Variants in H3-7 observed in about 807,000 individuals in gnomAD.
H3-7 encodes the protein H3.7 histone (putative), also known as histone H3-7.
chr1:143,904,528 C>T, the H3-7 span: 1 of 1,603,864 alleles, frequency 6.2e-7, no homozygotes, highest in Non-Finnish European at 8.5e-7. Context: ...TTCTCGCCGT[C>T]CTTCTTCTGC....
chr1:143,905,865 G>C, the H3-7 span: 1 of 1,580,636 alleles, frequency 6.3e-7, no homozygotes, highest in Middle Eastern at 1.7e-4. Flanking sequence ...TCTTCACCCC[G>C]CCCGTGGCCG....
the H3-7 span, chr1:143,904,566 T>C: frequency 1.2e-6 from 2 of 1,604,824 alleles, no homozygotes; most frequent in East Asian, 2.3e-5. Flanking sequence ...TTTGGAGCCC[T>C]TCTTGGGAGC....
At chr1:143,904,661 G>A in the H3-7 span, 2 of 1,543,846 alleles carry the variant, frequency 1.3e-6, no homozygotes, top group Admixed American at 1.7e-5. Flanking sequence ...ACCGCAAAAC[G>A]GGCTGGTTAT....
chr1:143,904,455 T>C, the H3-7 span: 3 of 1,592,460 alleles, frequency 1.9e-6, no homozygotes, highest in Admixed American at 1.7e-5. Context: ...GGTGTCGGGG[T>C]GGACCTGCTT....
the H3-7 span, among the ~76,000 whole-genome samples, chr1:143,904,840 G>T: frequency 2.1e-5 from 3 of 145,720 alleles, no homozygotes; most frequent in African/African-American, 7.5e-5. Flanking sequence ...CAATCAGAAT[G>T]GTCCATTTCA....
At chr1:143,905,822 G>T in the H3-7 span, 1 of 1,582,294 alleles carries the variant, frequency 6.3e-7, no homozygotes, top group Non-Finnish European at 8.7e-7. Context: ...ATCTCCCGCA[G>T]AGCCACGGTG....
the H3-7 span, chr1:143,904,471 C>T: frequency 1.3e-6 from 2 of 1,596,918 alleles, no homozygotes; most frequent in Admixed American, 3.4e-5. Flanking sequence ...TGCTTCAGCA[C>T]CTCCTACACG....
At chr1:143,903,516 G>T in the H3-7 span, among the ~76,000 whole-genome samples, 11 of 22,552 alleles carry the variant, frequency 4.9e-4, no homozygotes, top group Non-Finnish European at 8.0e-4. Context: ...CCTGGCCTCT[G>T]CCCATTGGAT....
chr1:143,904,684 G>C, the H3-7 span: 1 of 1,444,554 alleles, frequency 6.9e-7, no homozygotes, highest in South Asian at 1.2e-5. Flanking sequence ...GCTACTTATA[G>C]AGCCTGTATG....
the H3-7 span, chr1:143,905,730 A>G: frequency 1.3e-6 from 2 of 1,581,656 alleles, no homozygotes; most frequent in African/African-American, 2.7e-5. Context: ...GGTCCGTCTT[A>G]AACTCCTGCG....
At chr1:143,905,949 C>G in the H3-7 span, 6 of 1,580,018 alleles carry the variant, frequency 3.8e-6, 1 homozygote, top group Non-Finnish European at 5.2e-6. Context: ...TGCGGGCAGT[C>G]TGCTTAGTAC....
At chr1:143,904,543 T>A in the H3-7 span, 1 of 1,606,200 alleles carries the variant, frequency 6.2e-7, no homozygotes, top group Non-Finnish European at 8.5e-7. Context: ...TTCTGCACTT[T>A]CGTAACAGCC....
At chr1:143,905,480 G>A in the H3-7 span, 2 of 1,080,734 alleles carry the variant, frequency 1.9e-6, 1 homozygote. Context: ...CAGATGGAGA[G>A]CCGGTACAGC....
At chr1:143,904,370 C>A in the H3-7 span, 22 of 1,582,742 alleles carry the variant, frequency 1.4e-5, 3 homozygotes, top group Non-Finnish European at 1.9e-5. Context: ...CCAGGCGGGA[C>A]GCCTCTCCCG....
chr1:143,905,957 T>A, the H3-7 span: 1 of 1,579,920 alleles, frequency 6.3e-7, no homozygotes, highest in Non-Finnish European at 8.7e-7. Context: ...GTCTGCTTAG[T>A]ACGGGCCATG....
At chr1:143,902,872 C>A in the H3-7 span, among the ~76,000 whole-genome samples, 4 of 145,670 alleles carry the variant, frequency 2.7e-5, no homozygotes, top group Non-Finnish European at 6.1e-5. Flanking sequence ...ATCAGGAAAC[C>A]TCAAGAGAAG....
chr1:143,905,765 A>C, the H3-7 span: 5 of 1,582,118 alleles, frequency 3.2e-6, no homozygotes, highest in Non-Finnish European at 3.5e-6. Context: ...AGCCGCTGGA[A>C]GGGCAGCTTG....
the H3-7 span, chr1:143,905,571 G>A: frequency 7.0e-6 from 11 of 1,580,560 alleles, 1 homozygote; most frequent in Admixed American, 6.8e-5. Flanking sequence ...CCCGCTCCCC[G>A]CGGATGCGGC....
At chr1:143,904,337 G>A in the H3-7 span, 22 of 1,582,504 alleles carry the variant, frequency 1.4e-5, no homozygotes, top group Non-Finnish European at 1.7e-5. Context: ...GGGACGTGAT[G>A]GTGGAGCGCT....
Sources: gnomAD v4.1 joint callset for allele counts (sites outside exome capture counted in the v4.1 genomes callset) on GRCh38, gnomAD v4.1.1 for gene constraint, MANE v1.5 for transcripts, NCBI Gene and HGNC (gene_info 2026-07-23, HGNC 2026-07-21) for gene names.